RBMS1: variants seen among roughly 807,000 people sequenced by gnomAD.
RBMS1 encodes the protein RNA binding motif single stranded interacting protein 1, also known as RNA-binding motif, single-stranded-interacting protein 1.
A neutral mutation model predicts 62.3 loss-of-function variants in RBMS1; 17 were observed. That is an observed-to-expected ratio of 0.27 (90% CI 0.19 to 0.41). RBMS1 has a LOEUF of 0.41. RBMS1 is among the 10% of genes least tolerant of loss of function. The pLI is 1.00. For missense variants in RBMS1, 334 were observed against 504.5 expected (o/e 0.66, Z 3.24); for synonymous variants, 172 against 170.0 (o/e 1.01, Z -0.09).
At chr2:160,403,176 T>A (rs1321116654) in intron 1 of RBMS1, among the ~76,000 whole-genome samples, 1 of 152,204 alleles carries the variant, frequency 6.6e-6, no homozygotes, top group African/African-American at 2.4e-5. Context: ...TCATGACTCA[T>A]AGATCCTACC....
intron 1 of RBMS1, among the ~76,000 whole-genome samples, chr2:160,420,122 A>AT (rs1306685131): frequency 2.6e-5 from 4 of 152,008 alleles, no homozygotes; most frequent in African/African-American, 7.3e-5. Context: ...TTCCAAAATA[A>AT]TTTTTTTCTG....
At chr2:160,443,770 G>A (rs564912612) in intron 1 of RBMS1, among the ~76,000 whole-genome samples, 1 of 152,302 alleles carries the variant, frequency 6.6e-6, no homozygotes, top group African/African-American at 2.4e-5. Flanking sequence ...TTATAGCAAT[G>A]CAAGAATGGC....
chr2:160,279,476 C>A (rs1040015498), intron 10 of RBMS1: 3 of 152,136 alleles, frequency 2.0e-5, no homozygotes, highest in Admixed American at 2.0e-4. Flanking sequence ...TCAATCAGAG[C>A]ACATCAACAA....
intron 1 of RBMS1, among the ~76,000 whole-genome samples, chr2:160,375,708 G>A (rs1200088426): frequency 1.3e-5 from 2 of 151,930 alleles, no homozygotes; most frequent in Non-Finnish European, 2.9e-5. Flanking sequence ...TAATTAGAAC[G>A]CAGTAAACAC....
At chr2:160,340,075 T>A (rs1038793609) in intron 2 of RBMS1, among the ~76,000 whole-genome samples, 2 of 152,216 alleles carry the variant, frequency 1.3e-5, no homozygotes, top group African/African-American at 4.8e-5. Flanking sequence ...TCTTCACCAA[T>A]GGTATTACTT....
intron 6 of RBMS1, 93 bp from the exon 7 acceptor site, chr2:160,287,177 A>T: frequency 6.6e-7 from 1 of 1,522,398 alleles, no homozygotes. Context: ...TGTTCACGCT[A>T]TTAGAAAATT....
intron 10 of RBMS1, chr2:160,279,056 A>G (rs1466279060): frequency 1.2e-5 from 2 of 161,494 alleles, no homozygotes; most frequent in Non-Finnish European, 2.7e-5. Flanking sequence ...AAAAATCTGG[A>G]AAAAAAAGGC....
chr2:160,371,269 G>A (rs1163278819), intron 1 of RBMS1, among the ~76,000 whole-genome samples: 2 of 152,176 alleles, frequency 1.3e-5, no homozygotes, highest in African/African-American at 4.8e-5. Flanking sequence ...CAATATTTTA[G>A]CCAGTTCCAT....
intron 1 of RBMS1, among the ~76,000 whole-genome samples, chr2:160,430,960 C>A (rs1682870467): frequency 6.6e-6 from 1 of 151,334 alleles, no homozygotes; most frequent in African/African-American, 2.4e-5. Context: ...CCCCCTTTCC[C>A]TCCTCCAGGG....
chr2:160,370,089 T>G (rs888522738), intron 1 of RBMS1, among the ~76,000 whole-genome samples: 9 of 152,154 alleles, frequency 5.9e-5, no homozygotes, highest in Admixed American at 4.6e-4. Flanking sequence ...TGTGAGGGAA[T>G]GAAATCTCCC....
At chr2:160,471,184 A>C (rs2105344454) in intron 1 of RBMS1, among the ~76,000 whole-genome samples, 1 of 152,306 alleles carries the variant, frequency 6.6e-6, no homozygotes, top group South Asian at 2.1e-4. Flanking sequence ...CCAAAACTCA[A>C]AAGGGCAATA....
chr2:160,420,633 C>T (rs1339774842), intron 1 of RBMS1, among the ~76,000 whole-genome samples: 1 of 152,174 alleles, frequency 6.6e-6, no homozygotes, highest in Non-Finnish European at 1.5e-5. Flanking sequence ...AGTTCTCGGC[C>T]TCCTTTCCAG....
Position 160,367,379 on chromosome 2 carries a change from G to C in RBMS1, c.88C>G (p.Pro30Ala). The C allele has an allele frequency of 6.2e-7, 1 of 1,613,932 alleles. No homozygotes were observed. ...CTGGGAGGGGCCATGGGGTGGGCTGGGACCAGAGACTGCTGGAAAACAAAG... is the reference window on the plus strand; with the variant it reads ...CTGGGAGGGGCCATGGGGTGGGCTGCGACCAGAGACTGCTGGAAAACAAAG... ...QYLQAKQSLV[P>A]AHPMAPPSPS... Residue 30 changes from proline to alanine, a missense_variant, in exon 2 of 14, where the codon CCA becomes GCA. By Grantham distance (27) the Pro-to-Ala change is conservative. Coordinates refer to ENST00000348849, the MANE Select transcript of RBMS1 (RefSeq NM_016836.4).
chr2:160,446,117 C>T (rs1218777545), intron 1 of RBMS1, among the ~76,000 whole-genome samples: 1 of 152,200 alleles, frequency 6.6e-6, no homozygotes, highest in Non-Finnish European at 1.5e-5. Context: ...GTTTCCCTCA[C>T]ATTGAAATCA....
intron 4 of RBMS1, 25 bp from the exon 5 acceptor site, chr2:160,303,512 A>G (rs369769117): frequency 8.9e-6 from 14 of 1,578,256 alleles, no homozygotes; most frequent in Non-Finnish European, 1.1e-5. Flanking sequence ...AGTGTTGTCC[A>G]TTAATTTCCA....
intron 1 of RBMS1, among the ~76,000 whole-genome samples, chr2:160,455,469 G>C (rs1251012685): frequency 1.1e-4 from 17 of 152,174 alleles, no homozygotes; most frequent in Non-Finnish European, 4.4e-5. Context: ...ATTGCAGACT[G>C]AACAAAAATG....
chr2:160,414,507 T>C (rs187264725), intron 1 of RBMS1, among the ~76,000 whole-genome samples: 15 of 152,312 alleles, frequency 9.8e-5, no homozygotes, highest in East Asian at 7.7e-4. Flanking sequence ...ATGAGATTCA[T>C]AGATGCTTAT....
In RBMS1 at chr2:160,385,312, G is replaced by A. The variant is rs368881494; in HGVS notation, c.76-17921C>T. ...AGCCTATACATATAAAGAGCTTCTC[G>A]ATCCCCCTCGTCCTACTCAGGGGCT... On this transcript the variant is annotated intron_variant, in intron 1 of 13. Transcript: ENST00000348849. 6.6e-5 allele frequency among the ~76,000 whole-genome samples: 10 copies of A among 152,052 alleles called. No homozygotes were observed. The East Asian group carries it at 1.7e-3, about 26-fold the overall frequency.
At chr2:160,389,693 T>C (rs1370542375) in intron 1 of RBMS1, among the ~76,000 whole-genome samples, 2 of 93,088 alleles carry the variant, frequency 2.1e-5, no homozygotes, top group African/African-American at 4.8e-5. Flanking sequence ...GCAAGACTCT[T>C]GTCTCAAAAA....
Sources: gnomAD v4.1 joint callset for allele counts (sites outside exome capture counted in the v4.1 genomes callset) on GRCh38, gnomAD v4.1.1 for gene constraint, MANE v1.5 for transcripts, NCBI Gene and HGNC (gene_info 2026-07-23, HGNC 2026-07-21) for gene names.